MAGI1: variants seen among roughly 807,000 people sequenced by gnomAD.
The protein encoded by MAGI1 is membrane-associated guanylate kinase, WW and PDZ domain-containing protein 1.
A neutral mutation model predicts 139.9 loss-of-function variants in MAGI1; 58 were observed. That is an observed-to-expected ratio of 0.41 (90% CI 0.34 to 0.52). The LOEUF (loss-of-function observed/expected upper bound fraction) is 0.52, where lower values mean the gene tolerates loss of function less well. Among genes scored for constraint, MAGI1 ranks in the 20% least tolerant of loss-of-function variants. The pLI is 0.12. For missense variants in MAGI1, 1,874 were observed against 1,901.6 expected, an observed-to-expected ratio of 0.99 and a Z score of 0.27; for synonymous variants, 812 against 737.9, an observed-to-expected ratio of 1.10 and a Z score of -1.63.
At chr3:65,680,319 C>G (rs145074750) in intron 1 of MAGI1, among the ~76,000 whole-genome samples, 1 of 152,196 alleles carries the variant, frequency 6.6e-6, no homozygotes, top group Non-Finnish European at 1.5e-5. Context: ...TCCTTTTGAT[C>G]TGTCTCTGAT....
intron 1 of MAGI1, among the ~76,000 whole-genome samples, chr3:66,032,377 A>ATTTTTTTTTT (rs781376605): frequency 7.8e-6 from 1 of 128,710 alleles, no homozygotes; most frequent in Non-Finnish European, 1.6e-5. Context: ...CGCCCGGCTA[A>ATTTTTTTTTT]TTTTTTTGTT....
intron 2 of MAGI1, among the ~76,000 whole-genome samples, chr3:65,525,704 A>G (rs555059747): frequency 6.6e-6 from 1 of 152,338 alleles, no homozygotes; most frequent in African/African-American, 2.4e-5. Flanking sequence ...TGAAAAAACA[A>G]AAGAACAAAA....
At chr3:65,909,106 C>A (rs762373174) in intron 1 of MAGI1, among the ~76,000 whole-genome samples, 16 of 152,212 alleles carry the variant, frequency 1.1e-4, no homozygotes, top group Non-Finnish European at 2.4e-4. Flanking sequence ...TTACCAGAAG[C>A]CTTTGCTCAC....
At chr3:65,384,262 G>A (rs1332064634) in intron 14 of MAGI1, among the ~76,000 whole-genome samples, 2 of 152,138 alleles carry the variant, frequency 1.3e-5, no homozygotes, top group Admixed American at 1.3e-4. Context: ...CATATCTGTG[G>A]GTTCTGCATC....
intron 1 of MAGI1, among the ~76,000 whole-genome samples, chr3:65,685,381 T>C (rs769731320): frequency 9.9e-5 from 15 of 152,050 alleles, no homozygotes; most frequent in African/African-American, 4.8e-5. Flanking sequence ...GAATTACACA[T>C]ACCTTTATTT....
At chr3:65,360,184 G>A in intron 22 of MAGI1, 1 of 985,228 alleles carries the variant, frequency 1.0e-6, no homozygotes, top group Non-Finnish European at 1.2e-6. Context: ...AGTCCAAAAT[G>A]CAACTGAGAA....
At chr3:65,749,396 T>C (rs1232129708) in intron 1 of MAGI1, among the ~76,000 whole-genome samples, 1 of 152,166 alleles carries the variant, frequency 6.6e-6, no homozygotes, top group East Asian at 1.9e-4. Context: ...TGGGAGGCTA[T>C]TATTCTAAGT....
At chr3:65,542,757 T>C (rs938790364) in intron 2 of MAGI1, among the ~76,000 whole-genome samples, 3 of 152,092 alleles carry the variant, frequency 2.0e-5, no homozygotes, top group African/African-American at 7.2e-5. Flanking sequence ...TAACTCGAGA[T>C]GGAGTAAAGA....
At chr3:65,372,979 G>A (rs9834077) in intron 18 of MAGI1, among the ~76,000 whole-genome samples, 11,847 of 152,172 alleles carry the variant, frequency 0.078, 1,014 homozygotes, top group African/African-American at 0.21. Flanking sequence ...CAGCAATAAG[G>A]CTGTTTCGCT....
chr3:65,547,687 T>C (rs1343515534), intron 2 of MAGI1, among the ~76,000 whole-genome samples: 1 of 152,162 alleles, frequency 6.6e-6, no homozygotes, highest in Admixed American at 6.5e-5. Context: ...CACTTCTGTT[T>C]ATCTGTTTAG....
At chr3:65,900,378 T>C (rs2061171139) in intron 1 of MAGI1, among the ~76,000 whole-genome samples, 1 of 152,166 alleles carries the variant, frequency 6.6e-6, no homozygotes, top group African/African-American at 2.4e-5. Context: ...GTGTTATAAT[T>C]GGGAAGAGGT....
chr3:65,621,707 A>G (rs2083676933), intron 2 of MAGI1, among the ~76,000 whole-genome samples: 2 of 152,172 alleles, frequency 1.3e-5, no homozygotes, highest in Non-Finnish European at 2.9e-5. Flanking sequence ...TGAAGCTAGT[A>G]TTACTAACAC....
chr3:65,417,077 C>T (rs1299714340), intron 12 of MAGI1, among the ~76,000 whole-genome samples: 1 of 152,088 alleles, frequency 6.6e-6, no homozygotes. Flanking sequence ...ATGCTCAGAA[C>T]TGAAAAATGC....
chr3:66,026,825 G>T, intron 1 of MAGI1, among the ~76,000 whole-genome samples: 1 of 137,726 alleles, frequency 7.3e-6, no homozygotes, highest in African/African-American at 2.6e-5. Flanking sequence ...TTTATTTATC[G>T]GACTATCTTC....
At chr3:65,937,964 C>T (rs2063142830) in intron 1 of MAGI1, among the ~76,000 whole-genome samples, 3 of 151,868 alleles carry the variant, frequency 2.0e-5, no homozygotes, top group African/African-American at 7.3e-5. Flanking sequence ...TTATCAGAAT[C>T]AAGAGAATAC....
Position 65,538,680 on chromosome 3 carries a change from T to C in MAGI1, c.431-45049A>G, listed in dbSNP as rs575558251. Among the ~76,000 whole-genome samples the C allele has an allele frequency of 3.9e-5, 6 of 152,252 alleles. No individual in the cohort carries two copies. The South Asian group carries it at 1.2e-3, about 32-fold the overall frequency. On this transcript the variant is annotated intron_variant, in intron 2 of 22. Transcript: ENST00000402939. ...AATCAGGAAGGTCCACTAGATGCCA[T>C]GCTCTCATCTAACCCTCAGAGCAAC...
intron 1 of MAGI1, among the ~76,000 whole-genome samples, chr3:65,696,671 GCAATA>G (rs1026252701): frequency 2.0e-5 from 3 of 151,744 alleles, no homozygotes; most frequent in African/African-American, 4.8e-5. Flanking sequence ...AACATTTGTG[GCAATA>G]CAATAAAATA....
intron 1 of MAGI1, among the ~76,000 whole-genome samples, chr3:65,836,390 C>A (rs2042804973): frequency 6.6e-6 from 1 of 152,102 alleles, no homozygotes; most frequent in Non-Finnish European, 1.5e-5. Flanking sequence ...TAAAGAATCT[C>A]TAAAGTATAA....
intron 12 of MAGI1, among the ~76,000 whole-genome samples, chr3:65,408,265 T>C (rs1158136213): frequency 2.0e-5 from 3 of 152,172 alleles, no homozygotes; most frequent in Non-Finnish European, 4.4e-5. Context: ...ATGGGAAGGA[T>C]CAAACAGAAA....
Sources: gnomAD v4.1 joint callset for allele counts (sites outside exome capture counted in the v4.1 genomes callset) on GRCh38, gnomAD v4.1.1 for gene constraint, MANE v1.5 for transcripts, NCBI Gene and HGNC (gene_info 2026-07-23, HGNC 2026-07-21) for gene names.